Variants in PTPRD observed in about 807,000 individuals in gnomAD.
PTPRD encodes the protein receptor-type tyrosine-protein phosphatase delta.
PTPRD carries 34 observed loss-of-function variants against 214.5 expected under a neutral mutation model. The observed-to-expected ratio is 0.16, with a 90% confidence interval of 0.12 to 0.21. The LOEUF (loss-of-function observed/expected upper bound fraction) is 0.21. Ranked by LOEUF, PTPRD falls within the 10% of genes least tolerant of loss-of-function variation. The pLI, the probability that PTPRD is intolerant of heterozygous loss-of-function variation, is 1.00. For missense variants in PTPRD, 2,545 were observed against 2,398.7 expected (o/e 1.06, Z -1.27); for synonymous variants, 1,128 against 845.7 (o/e 1.33, Z -5.79).
At chr9:10,017,596 G>A (rs1442259230) in intron 4 of PTPRD, among the ~76,000 whole-genome samples, 1 of 152,062 alleles carries the variant, frequency 6.6e-6, no homozygotes, top group African/African-American at 2.4e-5. Context: ...CATTTAGACT[G>A]AATGGTGTGA....
intron 11 of PTPRD, among the ~76,000 whole-genome samples, chr9:8,765,975 A>T (rs1029401895): frequency 2.6e-5 from 4 of 152,254 alleles, no homozygotes; most frequent in African/African-American, 7.2e-5. Context: ...CTAAAGCTAT[A>T]AACAGGTAGT....
At chr9:10,445,575 G>C (rs905441559) in intron 2 of PTPRD, among the ~76,000 whole-genome samples, 1 of 152,094 alleles carries the variant, frequency 6.6e-6, no homozygotes, top group Non-Finnish European at 1.5e-5. Context: ...AAATTGGGTA[G>C]AAGAGAAAAG....
At chr9:8,482,514 C>A (rs1041883447) in intron 30 of PTPRD, among the ~76,000 whole-genome samples, 38 of 151,964 alleles carry the variant, frequency 2.5e-4, no homozygotes, top group African/African-American at 8.7e-4. Flanking sequence ...CCTGGCATAG[C>A]AAGTTTCACC....
At chr9:10,500,756 T>C (rs937791189) in intron 2 of PTPRD, among the ~76,000 whole-genome samples, 5 of 151,902 alleles carry the variant, frequency 3.3e-5, no homozygotes, top group Admixed American at 6.6e-5. Context: ...ATGAATTCAA[T>C]TGTTTTAATT....
At chr9:9,257,177 T>G (rs2099978084) in intron 9 of PTPRD, among the ~76,000 whole-genome samples, 1 of 151,916 alleles carries the variant, frequency 6.6e-6, no homozygotes, top group South Asian at 2.1e-4. Context: ...AAAACAAAAC[T>G]CTGGAGGAGT....
At chr9:10,050,189 A>C (rs766977425) in intron 3 of PTPRD, among the ~76,000 whole-genome samples, 1 of 152,056 alleles carries the variant, frequency 6.6e-6, no homozygotes, top group Non-Finnish European at 1.5e-5. Context: ...AAAGAGGAAG[A>C]CAAAGCAATT....
intron 2 of PTPRD, among the ~76,000 whole-genome samples, chr9:10,418,869 T>C (rs941860173): frequency 5.9e-5 from 9 of 151,842 alleles, no homozygotes; most frequent in Admixed American, 5.9e-4. Context: ...CTAGAAGTGA[T>C]TTCCTGTTTC....
intron 44 of PTPRD, among the ~76,000 whole-genome samples, chr9:8,330,773 CTTCT>C (rs1451809279): frequency 6.6e-6 from 1 of 152,032 alleles, no homozygotes; most frequent in Non-Finnish European, 1.5e-5. Flanking sequence ...GAGATCCTGC[CTTCT>C]ATGTCGTAAA....
chr9:9,534,320 T>G (rs2076089017), intron 8 of PTPRD, among the ~76,000 whole-genome samples: 1 of 152,072 alleles, frequency 6.6e-6, no homozygotes, highest in Non-Finnish European at 1.5e-5. Context: ...CACATGTTCT[T>G]TATTCTTCAA....
At chr9:10,421,181 C>CA (rs35951527) in intron 2 of PTPRD, among the ~76,000 whole-genome samples, 13,014 of 151,844 alleles carry the variant, frequency 0.086, 1,323 homozygotes, top group East Asian at 0.56. Flanking sequence ...GCTTGATCTA[C>CA]AAAAAAATTC....
At chr9:9,634,473 T>C (rs769689315) in intron 7 of PTPRD, among the ~76,000 whole-genome samples, 1 of 152,132 alleles carries the variant, frequency 6.6e-6, no homozygotes, top group Non-Finnish European at 1.5e-5. Flanking sequence ...AGACTGTGTG[T>C]TTGTTTCTGC....
intron 5 of PTPRD, among the ~76,000 whole-genome samples, chr9:9,778,228 GC>G (rs562427783): frequency 5.3e-4 from 80 of 152,304 alleles, no homozygotes; most frequent in South Asian, 5.2e-3. Context: ...GAATGCTAGG[GC>G]TAGTTCCCAG....
chr9:8,434,862 T>A (rs1389006213), intron 35 of PTPRD, among the ~76,000 whole-genome samples: 1 of 152,176 alleles, frequency 6.6e-6, no homozygotes, highest in African/African-American at 2.4e-5. Flanking sequence ...TAGAAAGTGT[T>A]TTAAAGGATA....
chr9:10,252,466 C>G (rs1323816346), intron 3 of PTPRD, among the ~76,000 whole-genome samples: 4 of 152,104 alleles, frequency 2.6e-5, no homozygotes, highest in African/African-American at 9.7e-5. Context: ...TGAAGTAACA[C>G]CAGCCTCCTC....
chr9:9,120,806 T>C (rs1224957764), intron 10 of PTPRD, among the ~76,000 whole-genome samples: 1 of 152,210 alleles, frequency 6.6e-6, no homozygotes, highest in Non-Finnish European at 1.5e-5. Flanking sequence ...GGATCATGTG[T>C]ACAACATTTC....
chr9:10,322,368 G>A lies in PTPRD; in HGVS notation c.-545+18595C>T, dbSNP rs534894814. ...TAAGCTATGTTAGGAAGACACAATT[G>A]CAGGCTGAGTCAGGAGGTTACATGC... On this transcript the variant is annotated intron_variant, in intron 3 of 45. Coordinates refer to ENST00000381196, the MANE Select transcript of PTPRD (RefSeq NM_002839.4). 3.9e-5 allele frequency among the ~76,000 whole-genome samples: 6 copies of A among 152,152 alleles called. No homozygotes were observed. In the South Asian group the frequency reaches 1.2e-3, roughly 32 times the overall value.
intron 21 of PTPRD, among the ~76,000 whole-genome samples, chr9:8,514,107 C>G (rs991576195): frequency 6.6e-6 from 1 of 152,058 alleles, no homozygotes; most frequent in Non-Finnish European, 1.5e-5. Flanking sequence ...TCAGTTGCCC[C>G]TCTGATAATG....
At chr9:9,953,119 T>C (rs573130550) in intron 4 of PTPRD, among the ~76,000 whole-genome samples, 12 of 152,270 alleles carry the variant, frequency 7.9e-5, no homozygotes, top group Admixed American at 7.8e-4. Context: ...ATCCATTTTG[T>C]TCATACAGAA....
chr9:9,382,325 ATAAC>A (rs1454008060), intron 9 of PTPRD, among the ~76,000 whole-genome samples: 4 of 152,148 alleles, frequency 2.6e-5, no homozygotes, highest in Admixed American at 1.3e-4. Context: ...TTTGGATATG[ATAAC>A]AAAAGCAGAG....
Sources: allele counts gnomAD v4.1 joint callset (sites outside exome capture counted in the v4.1 genomes callset), GRCh38; gene constraint gnomAD v4.1.1; transcripts MANE v1.5; gene names NCBI Gene and HGNC (gene_info 2026-07-23, HGNC 2026-07-21).